The following CDH3 variants were observed in gnomAD, a reference collection of about 807,000 sequenced individuals.
CDH3 encodes the protein cadherin 3, also known as cadherin-3.
A neutral mutation model predicts 82.0 loss-of-function variants in CDH3; 54 were observed. The ratio of observed to expected loss-of-function variants is 0.66; its 90% CI spans 0.53 to 0.83. CDH3 has a LOEUF of 0.83. Ranked by LOEUF, CDH3 falls within the 40% of genes least tolerant of loss-of-function variation. The pLI is 0.00. For missense variants in CDH3, 1,054 were observed against 1,084.6 expected (o/e 0.97, Z 0.40); for synonymous variants, 446 against 437.9 (o/e 1.02, Z -0.23).
At chr16:68,695,473 C>A in intron 14 of CDH3, 88 bp downstream of exon 14, 1 of 1,351,550 alleles carries the variant, frequency 7.4e-7, no homozygotes, top group Non-Finnish European at 1.0e-6. Context: ...ACCAAGTTAG[C>A]TGTGTTGACC....
At chr16:68,728,177 GT>G (rs1555509000), downstream of CDH3, among the ~76,000 whole-genome samples, 1 of 93,388 alleles carries the variant, frequency 1.1e-5, no homozygotes, top group East Asian at 3.1e-4. Context: ...TTGTTTGTTT[GT>G]TTTTTGAGAC....
At position 68,684,591 on chromosome 16, in the gene CDH3, T is replaced by A; in HGVS notation, c.1191T>A (p.Asp397Glu). ...QGILTTRKGL[D>E]FEAKNQHTLY... ...TTCCTCTTCTCTCCTAGGGTTTGGA[T>A]TTTGAGGCCAAAAACCAGCACACCC... The change falls in exon 10 of 16, where the codon GAT becomes GAA. Residue 397 changes from aspartate (D) to glutamate (E), a missense_variant. Transcript: ENST00000264012. 6.2e-7 allele frequency: 1 copy of A among 1,614,136 alleles called. No homozygotes were observed. The highest frequency in any genetic ancestry group is 8.5e-7 in the Non-Finnish European group (1 of 1,180,002).
At chr16:68,647,882 A>G (rs1960122655) in intron 2 of CDH3, among the ~76,000 whole-genome samples, 1 of 152,184 alleles carries the variant, frequency 6.6e-6, no homozygotes, top group African/African-American at 2.4e-5. Flanking sequence ...AGCCAAGCAG[A>G]CAAGTTTCCA....
At position 68,654,380 on chromosome 16, in the gene CDH3, A is replaced by ATTTTTTTTTTTTTT. The variant is rs1176713669; in HGVS notation, c.160+8655_160+8668dup. 2.9e-4 allele frequency among the ~76,000 whole-genome samples: 14 copies of ATTTTTTTTTTTTTT among 48,530 alleles called. 1 individual carries two copies. Among genetic ancestry groups the ATTTTTTTTTTTTTT allele is most frequent in the African/African-American group, 1.3e-3 (13 of 10,318 alleles). The allele number at this position is 48,530 out of a possible 152,430, so 31.8% of individuals were successfully genotyped here. ...GGCCTTTTTCTTAATTTTTAAATTA[A>ATTTTTTTTTTTTTT]TTTTTTTTTTTTTTTTTTTTTTTTT... is the stretch of plus-strand genomic sequence containing the variant. On this transcript the variant is annotated intron_variant, in intron 2 of 15. Transcript: ENST00000264012.
At chr16:68,729,240 G>A (rs781288582), downstream of CDH3, among the ~76,000 whole-genome samples, 18 of 152,306 alleles carry the variant, frequency 1.2e-4, no homozygotes, top group East Asian at 1.5e-3. Flanking sequence ...GGGAGGCGGA[G>A]GTTGCAGTGA....
chr16:68,677,854 C>T (rs574277962), intron 3 of CDH3, among the ~76,000 whole-genome samples: 3 of 152,138 alleles, frequency 2.0e-5, no homozygotes, highest in African/African-American at 7.2e-5. Context: ...TAGTATATTT[C>T]ACTGGTCCTC....
the CDH3 span, among the ~76,000 whole-genome samples, chr16:68,732,675 C>G: frequency 1.3e-5 from 2 of 152,246 alleles, no homozygotes; most frequent in African/African-American, 2.4e-5. Context: ...TGGGTTTTCC[C>G]CAGTTGAGAT....
chr16:68,653,969 G>A (rs545542293), intron 2 of CDH3, among the ~76,000 whole-genome samples: 106 of 151,882 alleles, frequency 7.0e-4, no homozygotes, highest in African/African-American at 2.3e-3. Context: ...CACCCACCTC[G>A]GCCTCCCAAA....
intron 2 of CDH3, among the ~76,000 whole-genome samples, chr16:68,663,800 ATATTT>A (rs1479147215): frequency 6.6e-6 from 1 of 151,542 alleles, no homozygotes; most frequent in Non-Finnish European, 1.5e-5. Flanking sequence ...TTTTAATCAG[ATATTT>A]TATTTTTTAT....
At chr16:68,703,321 G>A (rs576778978), downstream of CDH3, among the ~76,000 whole-genome samples, 3 of 152,258 alleles carry the variant, frequency 2.0e-5, no homozygotes, top group South Asian at 2.1e-4. Context: ...CTCACTTCCG[G>A]GCCCACAAAG....
At chr16:68,726,874 C>T (rs1011449188) in intron 2 of CDH3, among the ~76,000 whole-genome samples, 3 of 152,040 alleles carry the variant, frequency 2.0e-5, no homozygotes, top group Admixed American at 2.0e-4. Flanking sequence ...CCACCGCGCC[C>T]GCCCCAGCTG....
chr16:68,703,658 G>A (rs1005011841), downstream of CDH3, among the ~76,000 whole-genome samples: 2 of 152,206 alleles, frequency 1.3e-5, no homozygotes, highest in Non-Finnish European at 2.9e-5. Flanking sequence ...TCTAAAATGG[G>A]GGAGTAGGCT....
chr16:68,658,890 AT>A (rs1188050472), intron 2 of CDH3, among the ~76,000 whole-genome samples: 1 of 151,756 alleles, frequency 6.6e-6, no homozygotes, highest in Non-Finnish European at 1.5e-5. Flanking sequence ...GGAGCTTTTT[AT>A]TTTTTTATCG....
rs1220568125 is a variant in CDH3, at chr16:68,685,418, G to T, written c.1570+68G>T. The T allele has an allele frequency of 3.9e-6, 6 of 1,527,054 alleles. No homozygotes were observed. In the Admixed American group the frequency reaches 1.0e-4, roughly 26 times the overall value. 94.6% of individuals were successfully genotyped at this position (1,527,054 alleles called of 1,614,324 possible). A position where few individuals can be genotyped will look rare whatever the true frequency, so the allele number is the denominator to read the frequency against. ...TTCTCAGGTCACATGACACAGCACA[G>T]CATGTTTCCTCCACAGGTGGGAACA... On this transcript the variant is annotated intron_variant, in intron 11 of 15. Coordinates refer to ENST00000264012, the MANE Select transcript of CDH3 (RefSeq NM_001793.6).
intron 2 of CDH3, among the ~76,000 whole-genome samples, chr16:68,660,921 TGCACCCCA>T (rs1193215867): frequency 4.7e-5 from 7 of 149,036 alleles, no homozygotes; most frequent in Admixed American, 3.4e-4. Context: ...ATCCCGCCAC[TGCACCCCA>T]GCACTCCAGC....
In CDH3 at chr16:68,646,539, G is replaced by GA. The variant is rs1354409072; in HGVS notation, c.160+789_160+790insA. 5.9e-5 allele frequency among the ~76,000 whole-genome samples: 9 copies of GA among 151,978 alleles called. No individual in the cohort carries two copies. The South Asian group carries it at 1.7e-3, about 28-fold the overall frequency. On this transcript the variant is annotated intron_variant, in intron 2 of 15. Coordinates refer to ENST00000264012, the MANE Select transcript of CDH3 (RefSeq NM_001793.6). ...CCCGCCCCAAGTTCAAAAACCTGAG[G>GA]GGGTGGGCGGTGCAACGTTAGTGAG...
At chr16:68,708,188 C>T (rs1327550386) in intron 1 of CDH3, among the ~76,000 whole-genome samples, 3 of 151,974 alleles carry the variant, frequency 2.0e-5, no homozygotes, top group Admixed American at 6.6e-5. Flanking sequence ...GATAGTGGGG[C>T]ATGGTAGAGG....
intron 2 of CDH3, 54 bp from the exon 3 acceptor site, chr16:68,676,331 C>A: frequency 7.6e-7 from 1 of 1,319,340 alleles, no homozygotes; most frequent in Non-Finnish European, 1.1e-6. Context: ...TTTCCTGGGG[C>A]AACTTCCAGA....
downstream of CDH3, among the ~76,000 whole-genome samples, chr16:68,731,039 AAAAAAAAAAT>A (rs1962277696): frequency 3.1e-4 from 10 of 32,140 alleles, no homozygotes; most frequent in Non-Finnish European, 4.9e-4. Context: ...AAAAAAAAAA[AAAAAAAAAAT>A]ATATATATAT....
Sources: gnomAD v4.1 joint callset for allele counts (sites outside exome capture counted in the v4.1 genomes callset) on GRCh38, gnomAD v4.1.1 for gene constraint, MANE v1.5 for transcripts, NCBI Gene and HGNC (gene_info 2026-07-23, HGNC 2026-07-21) for gene names.